MYL1: variants seen among roughly 807,000 people sequenced by gnomAD.
MYL1 encodes myosin light chain 1/3, skeletal muscle isoform.
MYL1 carries 16 observed loss-of-function variants against 21.8 expected under a neutral mutation model. The ratio of observed to expected loss-of-function variants is 0.74; its 90% CI spans 0.50 to 1.12. MYL1 has a LOEUF of 1.12. Among genes scored for constraint, MYL1 ranks in the 50% most tolerant of loss-of-function variants. MYL1 has a pLI of 0.00. For synonymous variants in MYL1, 99 were observed against 85.2 expected (o/e 1.16, Z -0.89); for missense variants, 246 against 241.0 (o/e 1.02, Z -0.14).
intron 5 of MYL1, among the ~76,000 whole-genome samples, chr2:210,293,126 T>G (rs1690106491): frequency 6.6e-6 from 1 of 152,216 alleles, no homozygotes; most frequent in African/African-American, 2.4e-5. Context: ...TCTTACAAAT[T>G]AAAAAATTTT....
At chr2:210,314,115 CT>C (rs1385148975) in intron 1 of MYL1, among the ~76,000 whole-genome samples, 8 of 152,110 alleles carry the variant, frequency 5.3e-5, no homozygotes, top group Admixed American at 5.2e-4. Flanking sequence ...CAATTGAGAA[CT>C]TTGATCACAG....
chr2:210,294,123 ATTT>A, intron 4 of MYL1, 119 bp downstream of exon 4: 1 of 1,066,430 alleles, frequency 9.4e-7, no homozygotes, highest in Non-Finnish European at 1.3e-6. Context: ...ACTTTTGACT[ATTT>A]TTTTTTCCCA....
chr2:210,301,231 A>T (rs1319992249), intron 2 of MYL1, among the ~76,000 whole-genome samples: 1 of 152,142 alleles, frequency 6.6e-6, no homozygotes, highest in East Asian at 1.9e-4. Context: ...AGAATCACCA[A>T]CTGTTTTCAA....
intron 5 of MYL1, among the ~76,000 whole-genome samples, chr2:210,292,945 T>A (rs967949040): frequency 6.6e-6 from 1 of 152,168 alleles, no homozygotes; most frequent in Non-Finnish European, 1.5e-5. Context: ...ATCAAGATTG[T>A]CAGTGAAGAT....
chr2:210,310,044 G>A (rs985063133), intron 1 of MYL1, among the ~76,000 whole-genome samples: 14 of 152,146 alleles, frequency 9.2e-5, no homozygotes, highest in African/African-American at 2.9e-4. Flanking sequence ...AAGAGGAAAT[G>A]TGATACTGAT....
intron 3 of MYL1, among the ~76,000 whole-genome samples, chr2:210,298,058 C>T (rs1048522562): frequency 6.6e-6 from 1 of 152,006 alleles, no homozygotes; most frequent in Non-Finnish European, 1.5e-5. Context: ...GATATTATTT[C>T]ATTACATTAG....
In MYL1 at chr2:210,315,148, G is replaced by C. The variant is rs868463647; in HGVS notation, c.-106C>G. The C allele has an allele frequency of 2.2e-5, 30 of 1,344,912 alleles. No individual in the cohort carries two copies. The South Asian group carries it at 3.5e-4, about 16-fold the overall frequency. The allele number at this position is 1,344,912 out of a possible 1,614,324, so 83.3% of individuals were successfully genotyped here. ...GGTGGTTGGGTTGATCCACAGCCCA[G>C]TGTCTTGAAGATGGACCCAGAGTGT... On this transcript the variant is annotated 5_prime_UTR_variant, in exon 1 of 7. Transcript: ENST00000352451.
At chr2:210,306,686 T>C (rs555698685) in intron 1 of MYL1, among the ~76,000 whole-genome samples, 1 of 151,534 alleles carries the variant, frequency 6.6e-6, no homozygotes, top group South Asian at 2.1e-4. Context: ...GCTCATAGAA[T>C]AAATGGGAAA....
rs1175602921 is a variant in MYL1, at chr2:210,314,921, G to A, written c.122C>T (p.Ser41Phe). 1.2e-6 allele frequency: 2 copies of A among 1,613,820 alleles called. No homozygotes were observed. The highest frequency in any genetic ancestry group is 1.3e-5 in the African/African-American group (1 of 74,930). Residue 41 changes from serine (S) to phenylalanine (F), a missense_variant, in exon 1 of 7, where the codon TCT (serine) becomes TTT (phenylalanine). Ser to Phe is a radical substitution (Grantham distance 155, BLOSUM62 -2). Transcript: ENST00000352451. ...AKPKEEKIDL[S>F]AIKIEFSKEQ... ...CATCCATTTAGTTACCTTAATGGCA[G>A]AGAGGTCAATTTTTTCTTCTTTGGG...
chr2:210,309,424 A>C (rs1316018536), intron 1 of MYL1, among the ~76,000 whole-genome samples: 1 of 152,042 alleles, frequency 6.6e-6, no homozygotes, highest in African/African-American at 2.4e-5. Flanking sequence ...CTTTAGGGAT[A>C]CTTTTCTTCT....
At position 210,294,249 on chromosome 2, in the gene MYL1, G is replaced by T. The variant is rs377511663; in HGVS notation, c.474C>A (p.Thr158=). 6.2e-6 allele frequency: 10 copies of T among 1,608,422 alleles called. No individual in the cohort carries two copies. In the African/African-American group the frequency reaches 1.3e-4, roughly 22 times the overall value. Residue 158 remains threonine (T), a synonymous_variant, in exon 4 of 7, where the codon ACC becomes ACA. Coordinates refer to ENST00000352451, the MANE Select transcript of MYL1 (RefSeq NM_079420.3). Reference sequence around the variant, plus strand: ...CACTGAAATAAATTCCCTTACCCAGGGTGGCTAGAACATGGCGGAGTTCAG... The same window carrying T: ...CACTGAAATAAATTCCCTTACCCAGTGTGGCTAGAACATGGCGGAGTTCAG... ...MGAELRHVLA[T]LGEKMKEEEV...
chr2:210,297,112 G>A lies in MYL1; in HGVS notation c.304+1308C>T, dbSNP rs369104170. ...ATGTTGATTCCATATCTTGGGCATC[G>A]TAAATAGTGTTGCAGTAAGCATGAG... On this transcript the variant is annotated intron_variant, in intron 3 of 6. Coordinates refer to ENST00000352451, the MANE Select transcript of MYL1 (RefSeq NM_079420.3). Among the ~76,000 whole-genome samples the A allele has an allele frequency of 2.0e-3, 297 of 150,814 alleles. 2 individuals carry two copies. The highest frequency in any genetic ancestry group is 6.4e-3 in the African/African-American group (264 of 41,202).
At chr2:210,298,345 C>T in intron 3 of MYL1, 75 bp downstream of exon 3, 1 of 1,382,006 alleles carries the variant, frequency 7.2e-7, no homozygotes, top group South Asian at 1.2e-5. Flanking sequence ...ATACTACACA[C>T]ACACACACAC....
intron 6 of MYL1, 26 bp downstream of exon 6, chr2:210,291,006 A>G (rs759024718): frequency 2.0e-6 from 3 of 1,500,230 alleles, no homozygotes; most frequent in African/African-American, 1.4e-5. Flanking sequence ...AAATCCTTAA[A>G]TATTAAAGAG....
rs1185339839 is a variant in MYL1 at position 210,291,092 on chromosome 2, A to G, written c.557-18T>C. On this transcript the variant is annotated intron_variant, in intron 5 of 6. Coordinates refer to ENST00000352451, the MANE Select transcript of MYL1 (RefSeq NM_079420.3). ...GACAAAAGCTGTAGGAGCAAAATAGACAAAATAGACAATTTAGAGTTAGGA... is the reference window on the plus strand; with the variant it reads ...GACAAAAGCTGTAGGAGCAAAATAGGCAAAATAGACAATTTAGAGTTAGGA... 1 of 1,601,098 alleles carries G rather than the reference A, an allele frequency of 6.2e-7. No homozygotes were observed. Among genetic ancestry groups the G allele is most frequent in the African/African-American group, 1.3e-5 (1 of 74,528 alleles).
intron 1 of MYL1, chr2:210,303,615 T>G: frequency 6.3e-7 from 1 of 1,593,602 alleles, no homozygotes; most frequent in Non-Finnish European, 8.5e-7. Context: ...GGTCCCTGAG[T>G]GGGGTCATCC....
At chr2:210,293,330 C>G (rs1690110162) in intron 5 of MYL1, among the ~76,000 whole-genome samples, 1 of 152,086 alleles carries the variant, frequency 6.6e-6, no homozygotes. Context: ...GTGATTTGAC[C>G]TTCACCAAGT....
chr2:210,298,341 C>CACACACACACACACT, intron 3 of MYL1, 79 bp downstream of exon 3: 2 of 394,812 alleles, frequency 5.1e-6, no homozygotes. Context: ...ACACATACTA[C>CACACACACACACACT]ACACACACAC....
chr2:210,304,768 A>C (rs1303935306), intron 1 of MYL1, among the ~76,000 whole-genome samples: 1 of 151,954 alleles, frequency 6.6e-6, no homozygotes, highest in Non-Finnish European at 1.5e-5. Flanking sequence ...GCTAGTTTGG[A>C]CTCTTGGCCT....
Sources: allele counts gnomAD v4.1 joint callset (sites outside exome capture counted in the v4.1 genomes callset), GRCh38; gene constraint gnomAD v4.1.1; transcripts MANE v1.5; gene names NCBI Gene and HGNC (gene_info 2026-07-23, HGNC 2026-07-21).